Variants in SP4 observed in about 807,000 individuals in gnomAD.
SP4 encodes transcription factor Sp4.
In SP4, 19 loss-of-function variants were observed where a neutral mutation model predicts 72.8. That is an observed-to-expected ratio of 0.26 (90% CI 0.18 to 0.38). The LOEUF is 0.38. SP4 is among the 10% of genes least tolerant of loss of function. The probability of loss-of-function intolerance (pLI) is 1.00; values close to 1 mark genes in which losing one functional copy is unlikely to be tolerated. For missense variants in SP4, 1,008 were observed against 926.3 expected, an observed-to-expected ratio of 1.09 and a Z score of -1.14; for synonymous variants, 395 against 333.1, an observed-to-expected ratio of 1.19 and a Z score of -2.02.
At chr7:21,437,282 A>G (rs1783079757) in intron 3 of SP4, among the ~76,000 whole-genome samples, 1 of 152,210 alleles carries the variant, frequency 6.6e-6, no homozygotes, top group African/African-American at 2.4e-5. Flanking sequence ...CTATGGGTTC[A>G]CTAAGAAACT....
intron 3 of SP4, among the ~76,000 whole-genome samples, chr7:21,466,998 G>A (rs959171993): frequency 6.6e-6 from 1 of 152,062 alleles, no homozygotes; most frequent in Non-Finnish European, 1.5e-5. Flanking sequence ...TTTTGTTATA[G>A]CTGTTTATAA....
rs184366177 is a variant in SP4, at chr7:21,512,329, C to T, written c.*1060C>T. The T allele has an allele frequency of 1.3e-3, 199 of 152,524 alleles. 1 individual carries two copies. The highest frequency in any genetic ancestry group is 2.4e-3 in the Non-Finnish European group (164 of 67,992). The allele number at this position is 152,524 out of a possible 1,614,324, so 9.4% of individuals were successfully genotyped here. ...TTGTTTTCCTCTACTAAAAATTGGC[C>T]AGTCCCATTTTATTTCTAGTGCTAT... On this transcript the variant is annotated 3_prime_UTR_variant, in exon 6 of 6. Transcript: ENST00000222584.
rs893330185 is a variant in SP4 at position 21,429,914 on chromosome 7, A to G, written c.749A>G (p.Gln250Arg). The change falls in exon 3 of 6, where the codon CAG becomes CGG. Residue 250 changes from glutamine (Q) to arginine (R), a missense_variant. Transcript: ENST00000222584. Reference protein sequence around the residue: ...PLQLQTLPGTQAQVVTTLPIN... With the variant: ...PLQLQTLPGTRAQVVTTLPIN... ...CAGTTACAGACTCTTCCTGGTACTC[A>G]GGCTCAAGTTGTAACAACCCTACCA... 4 of 1,614,176 alleles carry G rather than the reference A, an allele frequency of 2.5e-6. No homozygotes were observed. The highest frequency in any genetic ancestry group is 3.4e-6 in the Non-Finnish European group (4 of 1,180,002).
At chr7:21,478,301 T>C (rs1219123909) in intron 4 of SP4, among the ~76,000 whole-genome samples, 1 of 152,270 alleles carries the variant, frequency 6.6e-6, no homozygotes, top group Non-Finnish European at 1.5e-5. Flanking sequence ...CACTGGCCGT[T>C]ATGAATAATA....
At chr7:21,460,990 C>T (rs1365621928) in intron 3 of SP4, among the ~76,000 whole-genome samples, 1 of 152,132 alleles carries the variant, frequency 6.6e-6, no homozygotes, top group Non-Finnish European at 1.5e-5. Flanking sequence ...CATTTCCAAA[C>T]CTTGAGCTAG....
intron 3 of SP4, among the ~76,000 whole-genome samples, chr7:21,445,988 A>ATGTGTGTGTG (rs4000966): frequency 2.8e-5 from 4 of 143,118 alleles, no homozygotes; most frequent in Non-Finnish European, 4.6e-5. Flanking sequence ...TCTTATGTGT[A>ATGTGTGTGTG]TGTGTGTGTG....
chr7:21,490,755 C>G (rs1459670244), intron 5 of SP4, among the ~76,000 whole-genome samples: 1 of 152,250 alleles, frequency 6.6e-6, no homozygotes, highest in Non-Finnish European at 1.5e-5. Context: ...CAAAGAACCA[C>G]AGCAAAGGCC....
intron 3 of SP4, among the ~76,000 whole-genome samples, chr7:21,469,115 ATATC>A (rs1282602160): frequency 2.0e-5 from 3 of 152,214 alleles, no homozygotes; most frequent in Non-Finnish European, 2.9e-5. Flanking sequence ...TTGGAAATAA[ATATC>A]TAACAGTACA....
chr7:21,443,799 A>G (rs769793293), intron 3 of SP4, among the ~76,000 whole-genome samples: 102 of 152,244 alleles, frequency 6.7e-4, no homozygotes, highest in Non-Finnish European at 1.4e-3. Flanking sequence ...CGGGATTTAT[A>G]TAAGAGAAAG....
intron 3 of SP4, among the ~76,000 whole-genome samples, chr7:21,433,891 C>T (rs1220927679): frequency 1.3e-5 from 2 of 151,658 alleles, no homozygotes; most frequent in African/African-American, 4.8e-5. Flanking sequence ...TGCAGTGAGC[C>T]GAGATCGCGC....
At chr7:21,432,570 C>G (rs1350345246) in intron 3 of SP4, among the ~76,000 whole-genome samples, 1 of 152,158 alleles carries the variant, frequency 6.6e-6, no homozygotes, top group Non-Finnish European at 1.5e-5. Context: ...AATGTTTTGG[C>G]CAACCAAACT....
chr7:21,501,565 C>G (rs899101198), intron 5 of SP4, among the ~76,000 whole-genome samples: 3 of 152,130 alleles, frequency 2.0e-5, no homozygotes, highest in Non-Finnish European at 4.4e-5. Flanking sequence ...ATACAAAAAT[C>G]CCACTGCTGT....
chr7:21,477,252 A>C lies in SP4; in HGVS notation c.1852A>C (p.Lys618Gln). 6.2e-7 allele frequency: 1 copy of C among 1,614,200 alleles called. No individual in the cohort carries two copies. ...TTCTGATCAAGAGGTACAACCTGGCAAGAGGCTTCGAAGAGTTGCCTGTTC... is the reference window on the plus strand; with the variant it reads ...TTCTGATCAAGAGGTACAACCTGGCCAGAGGCTTCGAAGAGTTGCCTGTTC... ...QTSDQEVQPG[K>Q]RLRRVACSCP... is the part of the protein sequence containing the mutation. Residue 618 changes from lysine to glutamine, a missense_variant, in exon 4 of 6, where the codon AAG (lysine) becomes CAG (glutamine). By Grantham distance (53) the Lys-to-Gln change is moderately conservative (BLOSUM62 1). Transcript: ENST00000222584.
intron 5 of SP4, among the ~76,000 whole-genome samples, chr7:21,489,369 A>T (rs1320395228): frequency 6.6e-6 from 1 of 152,018 alleles, no homozygotes; most frequent in South Asian, 2.1e-4. Context: ...CACCCAGGCC[A>T]GAACGCAGTG....
At chr7:21,480,426 A>G (rs1784652129) in intron 4 of SP4, among the ~76,000 whole-genome samples, 1 of 152,032 alleles carries the variant, frequency 6.6e-6, no homozygotes, top group Non-Finnish European at 1.5e-5. Context: ...ATTCTGATTG[A>G]TTATTTGTTC....
chr7:21,430,638 C>G lies in SP4; in HGVS notation c.1473C>G (p.Ser491=). The G allele has an allele frequency of 1.2e-6, 2 of 1,614,148 alleles. No individual in the cohort carries two copies. Among genetic ancestry groups the G allele is most frequent in the Non-Finnish European group, 1.7e-6 (2 of 1,180,038 alleles). ...SNLQVQNAGL[S]QQLTITPVSS... ...TGCAAGTTCAGAATGCTGGGTTATC[C>G]CAACAATTAACCATCACCCCAGTGT... Residue 491 remains serine, a synonymous_variant, in exon 3 of 6, where the codon TCC becomes TCG. Coordinates refer to ENST00000222584, the MANE Select transcript of SP4 (RefSeq NM_003112.5).
At chr7:21,478,215 A>G (rs1468113904) in intron 4 of SP4, among the ~76,000 whole-genome samples, 1 of 148,206 alleles carries the variant, frequency 6.7e-6, no homozygotes, top group Non-Finnish European at 1.5e-5. Context: ...TTTTAGGGAC[A>G]AATAATATTC....
In SP4 at chr7:21,430,284, G is replaced by A. The variant is rs1023473564; in HGVS notation, c.1119G>A (p.Gln373=). The A allele has an allele frequency of 6.2e-7, 1 of 1,614,204 alleles. No individual in the cohort carries two copies. The highest frequency in any genetic ancestry group is 8.5e-7 in the Non-Finnish European group (1 of 1,180,048). The part of the protein sequence containing the change: ...QTPAATESEA[Q]SSSQLQPNGM... ...CTGCTGCTACTGAGTCTGAAGCCCA[G>A]AGCTCCAGTCAGCTTCAGCCTAATG... Residue 373 remains glutamine, a synonymous_variant, in exon 3 of 6, where the codon CAG becomes CAA. Coordinates refer to ENST00000222584, the MANE Select transcript of SP4 (RefSeq NM_003112.5).
intron 3 of SP4, among the ~76,000 whole-genome samples, chr7:21,453,084 A>G (rs927852754): frequency 4.6e-5 from 7 of 152,144 alleles, no homozygotes; most frequent in African/African-American, 1.4e-4. Context: ...GACCTACTCA[A>G]TTGTTAAAAG....
Sources: allele counts gnomAD v4.1 joint callset (sites outside exome capture counted in the v4.1 genomes callset), GRCh38; gene constraint gnomAD v4.1.1; transcripts MANE v1.5; gene names NCBI Gene and HGNC (gene_info 2026-07-23, HGNC 2026-07-21).